Variants in WNK1 observed in about 807,000 individuals in gnomAD.
WNK1 encodes WNK lysine deficient protein kinase 1.
In WNK1, 38 loss-of-function variants were observed where a neutral mutation model predicts 222.8. The observed-to-expected ratio is 0.17, with a 90% CI of 0.13 to 0.22. The LOEUF (loss-of-function observed/expected upper bound fraction) is 0.22, where lower values mean the gene tolerates loss of function less well. Ranked by LOEUF, WNK1 falls within the 10% of genes least tolerant of loss-of-function variation. The pLI is 1.00. For missense variants in WNK1, 2,348 were observed against 2,918.4 expected (o/e 0.80, Z 4.50); for synonymous variants, 1,090 against 1,092.9 (o/e 1.00, Z 0.05).
At chr12:845,184 C>T (rs542962643) in intron 4 of WNK1, among the ~76,000 whole-genome samples, 10 of 152,180 alleles carry the variant, frequency 6.6e-5, no homozygotes, top group Non-Finnish European at 1.5e-4. Flanking sequence ...CGTGAGCCAC[C>T]GCGCCCGGCC....
chr12:906,151 T>A (rs142169584), intron 26 of WNK1, among the ~76,000 whole-genome samples: 1 of 152,306 alleles, frequency 6.6e-6, no homozygotes, highest in East Asian at 1.9e-4. Flanking sequence ...TACCCCCGCA[T>A]TACTTGGGTA....
At position 882,956 on chromosome 12, in the gene WNK1, G is replaced by A; in HGVS notation, c.3386G>A (p.Gly1129Glu). The A allele has an allele frequency of 3.1e-6, 5 of 1,609,922 alleles. No homozygotes were observed. The highest frequency in any genetic ancestry group is 4.3e-6 in the Non-Finnish European group (5 of 1,176,286). The change falls in exon 15 of 28, where the codon GGA (glycine) becomes GAA (glutamate). Residue 1129 changes from glycine (G) to glutamate (E), a missense_variant. Gly to Glu is a moderately conservative substitution (Grantham distance 98). This residue lies in a region of WNK1 where 20 missense variants were observed against 65.0 expected (regional missense o/e 0.31). Coordinates refer to ENST00000315939, the MANE Select transcript of WNK1 (RefSeq NM_018979.4). ...KLRILNVSNK[G>E]DRVVECQLET... ...TTTTCTTTTTAGGTTTCAAATAAAG[G>A]AGACCGAGTAGTAGAATGTCAATTA...
At chr12:786,277 G>A (rs1181330870) in intron 1 of WNK1, among the ~76,000 whole-genome samples, 1 of 152,114 alleles carries the variant, frequency 6.6e-6, no homozygotes, top group African/African-American at 2.4e-5. Flanking sequence ...ATTTCTAACA[G>A]TTTTTATGTT....
chr12:753,434 G>C lies in WNK1; in HGVS notation c.-132G>C. 8.3e-7 allele frequency: 1 copy of C among 1,206,340 alleles called. No individual in the cohort carries two copies. The highest frequency in any genetic ancestry group is 1.2e-6 in the Non-Finnish European group (1 of 860,286). 74.7% of individuals were successfully genotyped at this position (1,206,340 alleles called of 1,614,324 possible). A position where few individuals can be genotyped will look rare whatever the true frequency, so the allele number is the denominator to read the frequency against. Reference sequence around the variant, plus strand: ...TCGTTGCGGCTTGTCGGTGCTGAGTGAGGCGTCGTCCGGGTCGGCGCGAAC... The same window carrying C: ...TCGTTGCGGCTTGTCGGTGCTGAGTCAGGCGTCGTCCGGGTCGGCGCGAAC... On this transcript the variant is annotated 5_prime_UTR_variant, in exon 1 of 28. Transcript: ENST00000315939. This position sits in a 1 kb window ranked among gnomAD's most constrained non-coding sequence, Gnocchi z 5.2.
chr12:878,488 C>A, intron 10 of WNK1, 127 bp downstream of exon 10: 1 of 1,041,706 alleles, frequency 9.6e-7, no homozygotes, highest in Non-Finnish European at 1.4e-6. Context: ...GGTAACCAAC[C>A]CTTGAAGTAG....
intron 8 of WNK1, among the ~76,000 whole-genome samples, chr12:867,594 G>T (rs1951781216): frequency 6.6e-6 from 1 of 152,090 alleles, no homozygotes. Flanking sequence ...TACTTACAAA[G>T]TTTAATTCTT....
chr12:840,938 C>G (rs1949581569), intron 4 of WNK1, among the ~76,000 whole-genome samples: 1 of 152,134 alleles, frequency 6.6e-6, no homozygotes, highest in Non-Finnish European at 1.5e-5. Context: ...AATGCAAACT[C>G]AAAAGCTCAG....
rs1385128234 is a variant in WNK1 at position 909,678 on chromosome 12, G to C, written c.*886G>C. ...TTGAATACTTCTGTTTCCCAGTGTT[G>C]CTTGCTGGACATTTTAGTGCCTTGG... On this transcript the variant is annotated 3_prime_UTR_variant, in exon 28 of 28. Coordinates refer to ENST00000315939, the MANE Select transcript of WNK1 (RefSeq NM_018979.4). The C allele has an allele frequency of 5.3e-5, 8 of 152,132 alleles. No individual in the cohort carries two copies. The highest frequency in any genetic ancestry group is 2.9e-5 in the Non-Finnish European group (2 of 68,044). The allele number at this position is 152,132 out of a possible 1,614,324, so 9.4% of individuals were successfully genotyped here.
intron 1 of WNK1, among the ~76,000 whole-genome samples, chr12:755,218 G>A (rs1049064178): frequency 1.3e-5 from 2 of 152,136 alleles, no homozygotes; most frequent in Non-Finnish European, 2.9e-5. Context: ...TGCCCTGATT[G>A]GGCATAGGTG....
chr12:790,505 T>C (rs1258229266), intron 1 of WNK1, among the ~76,000 whole-genome samples: 2 of 152,350 alleles, frequency 1.3e-5, no homozygotes, highest in East Asian at 3.9e-4. Context: ...CTATGGGTAC[T>C]GTTGCTTGTT....
Position 882,027 on chromosome 12 carries a change from G to T in WNK1, c.3326G>T (p.Arg1109Leu). ...KRHYRKSVRS[R>L]SRHEKTSRPK... The stretch of plus-strand genomic sequence containing the variant: ...CATTACCGAAAATCTGTAAGGAGTC[G>T]CTCTCGACATGAAAAAACTTCACGC... The change falls in exon 14 of 28, where the codon CGC becomes CTC. Residue 1109 changes from arginine (R) to leucine (L), a missense_variant. By Grantham distance (102) the Arg-to-Leu change is moderately radical. Coordinates refer to ENST00000315939, the MANE Select transcript of WNK1 (RefSeq NM_018979.4). 1.9e-6 allele frequency: 3 copies of T among 1,613,966 alleles called. No homozygotes were observed. Among genetic ancestry groups the T allele is most frequent in the Non-Finnish European group, 2.5e-6 (3 of 1,179,968 alleles).
rs773258330 is a variant in WNK1, at chr12:763,100, A to C, written c.759+8776A>C. ...TTGAGGTTTGCAAGACCTCCCGTGGATACCTGAAGCTACAGACACTACTGA... is the reference window on the plus strand; with the variant it reads ...TTGAGGTTTGCAAGACCTCCCGTGGCTACCTGAAGCTACAGACACTACTGA... On this transcript the variant is annotated intron_variant, in intron 1 of 27. Coordinates refer to ENST00000315939, the MANE Select transcript of WNK1 (RefSeq NM_018979.4). 2.0e-5 allele frequency among the ~76,000 whole-genome samples: 3 copies of C among 147,168 alleles called. 1 individual carries two copies. The highest frequency in any genetic ancestry group is 4.6e-5 in the Non-Finnish European group (3 of 65,934).
chr12:819,772 A>T (rs1039673115), intron 2 of WNK1, among the ~76,000 whole-genome samples: 4 of 152,108 alleles, frequency 2.6e-5, no homozygotes, highest in African/African-American at 9.7e-5. Flanking sequence ...GTCTGATTTC[A>T]TTCTTTTACA....
At chr12:871,860 C>T (rs1952182778) in intron 9 of WNK1, among the ~76,000 whole-genome samples, 1 of 152,170 alleles carries the variant, frequency 6.6e-6, no homozygotes, top group African/African-American at 2.4e-5. Context: ...TCCTCGGCTT[C>T]CCAAAGTGCT....
chr12:871,457 T>A, intron 9 of WNK1, 109 bp downstream of exon 9: 1 of 999,944 alleles, frequency 1.0e-6, no homozygotes, highest in Non-Finnish European at 1.6e-6. Flanking sequence ...AAAGGAAAAT[T>A]AAGAGGCATA....
intron 2 of WNK1, among the ~76,000 whole-genome samples, chr12:826,164 T>C (rs1252669390): frequency 6.6e-6 from 1 of 152,258 alleles, no homozygotes; most frequent in Non-Finnish European, 1.5e-5. Context: ...ATTATGGAAA[T>C]GTTGTATAAC....
intron 5 of WNK1, among the ~76,000 whole-genome samples, chr12:857,908 A>G (rs896053710): frequency 6.6e-6 from 1 of 152,182 alleles, no homozygotes; most frequent in African/African-American, 2.4e-5. Flanking sequence ...TCCTCCAAAA[A>G]AGAAAAAGGA....
At chr12:865,288 A>C (rs1951568769) in intron 8 of WNK1, 37 of 1,535,974 alleles carry the variant, frequency 2.4e-5, no homozygotes, top group Non-Finnish European at 3.1e-5. Context: ...AAAGCATTGG[A>C]GAGTGTCCTG....
chr12:866,042 T>C (rs1951640351), intron 8 of WNK1, among the ~76,000 whole-genome samples: 1 of 142,696 alleles, frequency 7.0e-6, no homozygotes, highest in Admixed American at 7.3e-5. Flanking sequence ...ATCTATCTTA[T>C]AAAATTATTT....
Sources: allele counts gnomAD v4.1 joint callset (sites outside exome capture counted in the v4.1 genomes callset), GRCh38; gene constraint gnomAD v4.1.1; regional missense constraint gnomAD v4.1.1; non-coding constraint Gnocchi (gnomAD v3.1); transcripts MANE v1.5; gene names NCBI Gene and HGNC (gene_info 2026-07-23, HGNC 2026-07-21).